Variants in PRKCH observed in about 807,000 individuals in gnomAD.
The protein encoded by PRKCH is protein kinase C eta type.
PRKCH carries 28 observed loss-of-function variants against 82.5 expected under a neutral mutation model. That is an observed-to-expected ratio of 0.34 (90% confidence interval 0.25 to 0.47). PRKCH has a LOEUF of 0.47. Among genes scored for constraint, PRKCH ranks in the 20% least tolerant of loss-of-function variants. PRKCH has a pLI of 1.00. For missense variants in PRKCH, 705 were observed against 881.8 expected (o/e 0.80, Z 2.54); for synonymous variants, 322 against 327.4 (o/e 0.98, Z 0.18).
At chr14:61,418,210 G>A (rs1017742353) in intron 2 of PRKCH, among the ~76,000 whole-genome samples, 5 of 152,288 alleles carry the variant, frequency 3.3e-5, no homozygotes, top group Middle Eastern at 3.4e-3. Flanking sequence ...AACTATATTA[G>A]ATTATACTCT....
At chr14:61,256,130 G>A (rs2044996005) in intron 1 of PRKCH, among the ~76,000 whole-genome samples, 1 of 152,090 alleles carries the variant, frequency 6.6e-6, no homozygotes, top group Non-Finnish European at 1.5e-5. Flanking sequence ...TGAGCATGTC[G>A]CAAATCACAG....
intron 1 of PRKCH, chr14:61,327,234 A>G (rs1203559165): frequency 2.5e-6 from 1 of 395,192 alleles, no homozygotes; most frequent in Non-Finnish European, 5.2e-6. Context: ...TTACTACTGG[A>G]CAATCATGGA....
chr14:61,468,658 G>A (rs1249972192), intron 9 of PRKCH, among the ~76,000 whole-genome samples: 2 of 149,578 alleles, frequency 1.3e-5, no homozygotes, highest in Non-Finnish European at 2.9e-5. Flanking sequence ...TGTGACAAAA[G>A]GATTTGAAAT....
At chr14:61,539,021 T>C (rs1485437092) in intron 12 of PRKCH, among the ~76,000 whole-genome samples, 1 of 152,188 alleles carries the variant, frequency 6.6e-6, no homozygotes, top group African/African-American at 2.4e-5. Context: ...TAGCAGCAGC[T>C]TTTTCTTAAC....
At chr14:61,437,545 C>A (rs1883735785) in intron 2 of PRKCH, among the ~76,000 whole-genome samples, 1 of 152,142 alleles carries the variant, frequency 6.6e-6, no homozygotes, top group South Asian at 2.1e-4. Context: ...AGTCTGGTGT[C>A]CTCACTTCTG....
At chr14:61,209,936 A>G (rs963577428) in intron 1 of PRKCH, among the ~76,000 whole-genome samples, 2 of 151,528 alleles carry the variant, frequency 1.3e-5, no homozygotes, top group Non-Finnish European at 2.9e-5. Flanking sequence ...GTTCACTGCA[A>G]ATGTTTAAAA....
At chr14:61,333,314 A>G (rs1033738607) in intron 1 of PRKCH, among the ~76,000 whole-genome samples, 2 of 152,160 alleles carry the variant, frequency 1.3e-5, no homozygotes, top group African/African-American at 4.8e-5. Context: ...TCTGGGAACA[A>G]TGTCATCTGA....
intron 2 of PRKCH, among the ~76,000 whole-genome samples, chr14:61,397,099 G>T (rs1434001937): frequency 1.3e-5 from 2 of 152,168 alleles, no homozygotes; most frequent in Non-Finnish European, 2.9e-5. Context: ...GACTTGGAAG[G>T]TTGTCTCAGG....
intron 10 of PRKCH, among the ~76,000 whole-genome samples, chr14:61,522,083 A>G (rs935702063): frequency 7.2e-5 from 11 of 152,130 alleles, no homozygotes; most frequent in African/African-American, 1.4e-4. Context: ...AAGTAGCTCA[A>G]TCTGTCCAAA....
intron 1 of PRKCH, among the ~76,000 whole-genome samples, chr14:61,289,012 A>G (rs1257335173): frequency 6.6e-6 from 1 of 152,228 alleles, no homozygotes; most frequent in African/African-American, 2.4e-5. Context: ...CAGCTCAGGC[A>G]GGCCATCTTC....
chr14:61,336,827 G>C (rs561193549), intron 1 of PRKCH, among the ~76,000 whole-genome samples: 2 of 152,188 alleles, frequency 1.3e-5, no homozygotes, highest in South Asian at 4.1e-4. Context: ...CCAGCACTAT[G>C]GGGGGCTGAG....
intron 9 of PRKCH, among the ~76,000 whole-genome samples, chr14:61,464,339 A>G (rs776861696): frequency 1.3e-4 from 19 of 149,088 alleles, no homozygotes; most frequent in Non-Finnish European, 2.5e-4. Context: ...CATTTTTTCT[A>G]TACCTGTTGG....
At chr14:61,195,797 G>T (rs1394622355) in intron 1 of PRKCH, among the ~76,000 whole-genome samples, 2 of 152,032 alleles carry the variant, frequency 1.3e-5, no homozygotes, top group African/African-American at 4.8e-5. Context: ...ACATGGAGGA[G>T]AGAGAGAGAG....
chr14:61,550,970 A>G lies in PRKCH; in HGVS notation c.*1139A>G, dbSNP rs763604521. The G allele has an allele frequency of 3.3e-5, 5 of 152,378 alleles. No individual in the cohort carries two copies. Among genetic ancestry groups the G allele is most frequent in the Non-Finnish European group, 7.3e-5 (5 of 68,038 alleles). 9.4% of individuals were successfully genotyped at this position (152,378 alleles called of 1,614,324 possible). A position where few individuals can be genotyped will look rare whatever the true frequency, so the allele number is the denominator to read the frequency against. ...CTGACTGGAAATAAATGCATTTTGT[A>G]GCAAAAGGAAGTGTTTTGACTAGAA... On this transcript the variant is annotated 3_prime_UTR_variant, in exon 14 of 14. Transcript: ENST00000332981.
chr14:61,192,760 A>T (rs2044414842), intron 1 of PRKCH, among the ~76,000 whole-genome samples: 1 of 152,200 alleles, frequency 6.6e-6, no homozygotes, highest in Admixed American at 6.5e-5. Flanking sequence ...AAATGTTGAT[A>T]AGGGTAACAA....
chr14:61,427,648 G>C (rs545105101), intron 2 of PRKCH, among the ~76,000 whole-genome samples: 76 of 152,144 alleles, frequency 5.0e-4, no homozygotes, highest in African/African-American at 1.8e-3. Context: ...GTGCAGTGGC[G>C]TGACAATGGC....
intron 10 of PRKCH, among the ~76,000 whole-genome samples, chr14:61,507,532 A>G (rs1887202169): frequency 6.6e-6 from 1 of 152,196 alleles, no homozygotes; most frequent in African/African-American, 2.4e-5. Context: ...GAAACAATCT[A>G]AATGTCCTTC....
intron 1 of PRKCH, among the ~76,000 whole-genome samples, chr14:61,377,528 C>A (rs2046442118): frequency 6.6e-6 from 1 of 152,194 alleles, no homozygotes; most frequent in Admixed American, 6.5e-5. Flanking sequence ...ATGGGCAGAT[C>A]TTTCTGTAAA....
chr14:61,383,957 G>A (rs2046549382), intron 1 of PRKCH, among the ~76,000 whole-genome samples: 1 of 152,324 alleles, frequency 6.6e-6, no homozygotes, highest in Non-Finnish European at 1.5e-5. Context: ...GTGGAGCAGG[G>A]TGTTTTATTC....
Sources: gnomAD v4.1 joint callset for allele counts (sites outside exome capture counted in the v4.1 genomes callset) on GRCh38, gnomAD v4.1.1 for gene constraint, MANE v1.5 for transcripts, NCBI Gene and HGNC (gene_info 2026-07-23, HGNC 2026-07-21) for gene names.